Variants in PCMT1 observed in about 807,000 individuals in gnomAD.
PCMT1 encodes protein-L-isoaspartate (D-aspartate) O-methyltransferase, also known as protein-L-isoaspartate(D-aspartate) O-methyltransferase.
Under a neutral mutation model 29.2 loss-of-function variants are expected in PCMT1, and 9 were observed. The observed-to-expected ratio is 0.31, with a 90% CI of 0.19 to 0.54. The LOEUF is 0.54. Among genes scored for constraint, PCMT1 ranks in the 20% least tolerant of loss-of-function variants. The pLI is 0.95. For missense variants in PCMT1, 184 were observed against 282.2 expected (o/e 0.65, Z 2.49); for synonymous variants, 98 against 97.5 (o/e 1.00, Z -0.03).
chr6:149,758,714 A>G (rs1786618944), intron 1 of PCMT1, among the ~76,000 whole-genome samples: 1 of 152,174 alleles, frequency 6.6e-6, no homozygotes, highest in Admixed American at 6.6e-5. Context: ...AATACTATGT[A>G]TCAATTAAAA....
intron 1 of PCMT1, among the ~76,000 whole-genome samples, chr6:149,767,401 A>G (rs1787134172): frequency 6.6e-6 from 1 of 151,674 alleles, no homozygotes; most frequent in Admixed American, 6.6e-5. Context: ...CTTTCCTTGA[A>G]TTTCTTGAAA....
chr6:149,797,905 C>T (rs1016732476), intron 6 of PCMT1: 4 of 152,108 alleles, frequency 2.6e-5, no homozygotes, highest in Non-Finnish European at 5.9e-5. Context: ...GTAGCTCACG[C>T]CTGTAATCCC....
rs141020773 is a variant in PCMT1 at position 149,808,434 on chromosome 6, C to T, written c.*38-2182C>T. On this transcript the variant is annotated intron_variant, in intron 7 of 7. Transcript: ENST00000464889. The stretch of plus-strand genomic sequence containing the variant: ...TATTAGGCTTTTAAAAAATTGTGCA[C>T]GCGCTGGCAGCAAGTTTTTGTTTTT... Among the ~76,000 whole-genome samples, 296 of 152,086 alleles carry T rather than the reference C, an allele frequency of 1.9e-3. 1 individual carries two copies. The Middle Eastern group carries it at 0.024, about 12-fold the overall frequency.
intron 1 of PCMT1, among the ~76,000 whole-genome samples, chr6:149,760,845 G>A (rs569574611): frequency 2.0e-5 from 3 of 152,110 alleles, no homozygotes; most frequent in South Asian, 2.1e-4. Context: ...GCAAGACTCC[G>A]TCTCAAAAAA....
chr6:149,750,040 G>A (rs1421931733), intron 1 of PCMT1, 84 bp downstream of exon 1: 2 of 1,474,692 alleles, frequency 1.4e-6, no homozygotes, highest in South Asian at 1.3e-5. Context: ...GGAACGTTCT[G>A]TCTGTCCCCG....
intron 7 of PCMT1, among the ~76,000 whole-genome samples, 177 bp from the exon 8 acceptor site, chr6:149,810,439 T>G (rs577032856): frequency 6.6e-6 from 1 of 152,350 alleles, no homozygotes; most frequent in African/African-American, 2.4e-5. Context: ...GGAAGATGTT[T>G]GGAATGGCTG....
chr6:149,752,324 A>G (rs1786356266), intron 1 of PCMT1, among the ~76,000 whole-genome samples: 1 of 151,750 alleles, frequency 6.6e-6, no homozygotes, highest in Non-Finnish European at 1.5e-5. Context: ...CAGCCTCCCG[A>G]GTAGCTGGGA....
At chr6:149,762,397 ATG>A (rs1257796478) in intron 1 of PCMT1, among the ~76,000 whole-genome samples, 1 of 151,318 alleles carries the variant, frequency 6.6e-6, no homozygotes, top group African/African-American at 2.4e-5. Flanking sequence ...GAAAAGCCTA[ATG>A]GTAATTGCAC....
chr6:149,793,417 A>G (rs368366207), intron 4 of PCMT1, 132 bp from the exon 5 acceptor site: 8 of 583,728 alleles, frequency 1.4e-5, no homozygotes, highest in South Asian at 7.4e-5. Flanking sequence ...AGTGTTTAGC[A>G]ATCTATAGAA....
intron 1 of PCMT1, among the ~76,000 whole-genome samples, chr6:149,770,508 C>A (rs747101367): frequency 2.0e-5 from 3 of 152,044 alleles, no homozygotes; most frequent in Non-Finnish European, 4.4e-5. Context: ...AGATGAAGGC[C>A]AGCCTGGCTA....
At chr6:149,766,566 T>G (rs1787093718) in intron 1 of PCMT1, among the ~76,000 whole-genome samples, 1 of 152,236 alleles carries the variant, frequency 6.6e-6, no homozygotes, top group Non-Finnish European at 1.5e-5. Flanking sequence ...CTGCCTGGTT[T>G]TATAAATTTT....
intron 5 of PCMT1, chr6:149,795,134 A>G (rs1395120969): frequency 9.4e-6 from 3 of 318,548 alleles, no homozygotes; most frequent in African/African-American, 6.7e-5. Flanking sequence ...CGGAGGTTGC[A>G]GTGAGCTGAG....
chr6:149,792,024 G>A (rs1212480757), intron 4 of PCMT1, among the ~76,000 whole-genome samples: 1 of 152,156 alleles, frequency 6.6e-6, no homozygotes, highest in Non-Finnish European at 1.5e-5. Context: ...ATTCATACAA[G>A]GAATGATAGG....
intron 1 of PCMT1, among the ~76,000 whole-genome samples, chr6:149,760,589 C>T (rs551601793): frequency 5.9e-5 from 9 of 152,240 alleles, no homozygotes; most frequent in African/African-American, 2.2e-4. Flanking sequence ...TGTAGTGGCT[C>T]ATGCCTGTAA....
intron 4 of PCMT1, 39 bp from the exon 5 acceptor site, chr6:149,793,510 T>A (rs781364083): frequency 7.1e-7 from 1 of 1,399,998 alleles, no homozygotes; most frequent in South Asian, 2.0e-5. Context: ...AAAAACAAAT[T>A]TAGCCCAATG....
At chr6:149,798,757 A>C (rs1025429491) in intron 6 of PCMT1, among the ~76,000 whole-genome samples, 9 of 152,338 alleles carry the variant, frequency 5.9e-5, no homozygotes, top group South Asian at 2.1e-4. Context: ...GTGAAATATT[A>C]TGCATACGCA....
chr6:149,767,666 C>T (rs1787147666), intron 1 of PCMT1, among the ~76,000 whole-genome samples: 1 of 151,976 alleles, frequency 6.6e-6, no homozygotes, highest in South Asian at 2.1e-4. Context: ...GTTGCCCAGG[C>T]TGGTCTCGAA....
At chr6:149,804,193 T>TC (rs1775940881) in intron 7 of PCMT1, among the ~76,000 whole-genome samples, 1 of 152,010 alleles carries the variant, frequency 6.6e-6, no homozygotes, top group South Asian at 2.1e-4. Context: ...TCACTTTGCT[T>TC]CTAGTATGGT....
Position 149,749,963 on chromosome 6 carries a change from G to A in PCMT1, c.55+7G>A, listed in dbSNP as rs1366567300. The A allele has an allele frequency of 5.0e-6, 8 of 1,607,760 alleles. No individual in the cohort carries two copies. Among genetic ancestry groups the A allele is most frequent in the Non-Finnish European group, 6.8e-6 (8 of 1,177,212 alleles). On this transcript the variant is annotated splice_region_variant and intron_variant, in intron 1 of 7. Coordinates refer to ENST00000464889, the MANE Select transcript of PCMT1 (RefSeq NM_001360452.2). The stretch of plus-strand genomic sequence containing the variant: ...CTAATCCACAATCTCCGCAGTAAGT[G>A]CCACCTCCGCCCGTTGTAGGGCAGC...
Sources: gnomAD v4.1 joint callset for allele counts (sites outside exome capture counted in the v4.1 genomes callset) on GRCh38, gnomAD v4.1.1 for gene constraint, MANE v1.5 for transcripts, NCBI Gene and HGNC (gene_info 2026-07-23, HGNC 2026-07-21) for gene names.